RBM47: variants seen among roughly 807,000 people sequenced by gnomAD.
RBM47 encodes RNA-binding protein 47.
Under a neutral mutation model 47.1 loss-of-function variants are expected in RBM47, and 21 were observed. The ratio of observed to expected loss-of-function variants is 0.45; its 90% CI spans 0.32 to 0.64. The LOEUF (loss-of-function observed/expected upper bound fraction) is 0.64. RBM47 is among the 30% of genes least tolerant of loss of function. The probability of loss-of-function intolerance (pLI) is 0.05; values close to 1 mark genes in which losing one functional copy is unlikely to be tolerated. For synonymous variants in RBM47, 375 were observed against 361.7 expected (o/e 1.04, Z -0.42); for missense variants, 708 against 870.9 (o/e 0.81, Z 2.35).
At chr4:40,552,882 C>T (rs764652411) in intron 1 of RBM47, among the ~76,000 whole-genome samples, 1 of 152,242 alleles carries the variant, frequency 6.6e-6, no homozygotes, top group Admixed American at 6.5e-5. Flanking sequence ...ACACCACCCC[C>T]CATCCTAGCT....
chr4:40,437,090 A>AAAAAAAAAAAAAAAAAATATAT (rs1256296949), intron 4 of RBM47, among the ~76,000 whole-genome samples: 14 of 49,772 alleles, frequency 2.8e-4, no homozygotes, highest in South Asian at 5.3e-4. Flanking sequence ...AAAAAAAAAA[A>AAAAAAAAAAAAAAAAAATATAT]ATATATATAT....
chr4:40,589,529 T>C (rs1344568297), intron 1 of RBM47, among the ~76,000 whole-genome samples: 4 of 151,732 alleles, frequency 2.6e-5, no homozygotes, highest in African/African-American at 9.7e-5. Context: ...CTCCACCTCC[T>C]GGGTTCAAGC....
chr4:40,481,146 T>C (rs1385382735), intron 2 of RBM47, among the ~76,000 whole-genome samples: 2 of 152,174 alleles, frequency 1.3e-5, no homozygotes, highest in African/African-American at 4.8e-5. Context: ...TCCCCTAACA[T>C]TCTGGATTTA....
intron 1 of RBM47, among the ~76,000 whole-genome samples, chr4:40,592,748 A>T (rs1213130979): frequency 6.7e-6 from 1 of 150,004 alleles, no homozygotes; most frequent in African/African-American, 2.5e-5. Flanking sequence ...TTGTAGAGAC[A>T]GGGCCTCGCT....
At chr4:40,535,367 A>ATTTTT (rs1727836142) in intron 2 of RBM47, among the ~76,000 whole-genome samples, 1 of 86,250 alleles carries the variant, frequency 1.2e-5, no homozygotes, top group Non-Finnish European at 2.2e-5. Context: ...CTGGTATGGT[A>ATTTTT]TTTCTTTTTT....
chr4:40,614,722 T>A (rs1404140319), intron 1 of RBM47, among the ~76,000 whole-genome samples: 1 of 151,076 alleles, frequency 6.6e-6, no homozygotes, highest in East Asian at 1.9e-4. Flanking sequence ...TCCCAGCTAC[T>A]GAGGAGGCTA....
intron 2 of RBM47, among the ~76,000 whole-genome samples, chr4:40,505,616 G>A (rs953154769): frequency 1.4e-3 from 216 of 150,642 alleles, no homozygotes; most frequent in Middle Eastern, 0.011. Flanking sequence ...GGCTGGACGC[G>A]GTGGCTCACA....
intron 2 of RBM47, among the ~76,000 whole-genome samples, chr4:40,528,210 G>A (rs1206380145): frequency 6.6e-6 from 1 of 152,046 alleles, no homozygotes; most frequent in South Asian, 2.1e-4. Flanking sequence ...CAAGAGATCA[G>A]GACCATCCTG....
At position 40,426,033 on chromosome 4, in the gene RBM47, C is replaced by T; in HGVS notation, c.1653G>A (p.Thr551=). Reference sequence around the variant, plus strand: ...CCGCGTTCTTCTGTAGTGTGGCGATCGTGGCTGTAGCTGGAGCAGCAAATG... The same window carrying T: ...CCGCGTTCTTCTGTAGTGTGGCGATTGTGGCTGTAGCTGGAGCAGCAAATG... The part of the protein sequence containing the change: ...YVPFAAPATA[T]IATLQKNAAA... The change falls in exon 7 of 7, where the codon ACG becomes ACA. Residue 551 remains threonine (T), a synonymous_variant. Transcript: ENST00000295971. 4.3e-6 allele frequency: 7 copies of T among 1,614,144 alleles called. No homozygotes were observed. The highest frequency in any genetic ancestry group is 5.9e-6 in the Non-Finnish European group (7 of 1,180,030).
chr4:40,462,182 T>C (rs890225730), intron 3 of RBM47, among the ~76,000 whole-genome samples: 2 of 152,160 alleles, frequency 1.3e-5, no homozygotes, highest in Non-Finnish European at 2.9e-5. Context: ...GTCTTTGTAC[T>C]TTTCAATATT....
chr4:40,452,564 A>G (rs16852219), intron 3 of RBM47, among the ~76,000 whole-genome samples: 4,999 of 152,322 alleles, frequency 0.033, 104 homozygotes, highest in Middle Eastern at 0.051. Context: ...CCGAAAACTC[A>G]GGAATTAAAA....
At chr4:40,495,992 C>G (rs1722516744) in intron 2 of RBM47, among the ~76,000 whole-genome samples, 1 of 152,218 alleles carries the variant, frequency 6.6e-6, no homozygotes, top group African/African-American at 2.4e-5. Flanking sequence ...AATGTCCTGA[C>G]AGTGTTAACT....
intron 1 of RBM47, among the ~76,000 whole-genome samples, chr4:40,561,311 G>A (rs1256879649): frequency 7.0e-6 from 1 of 143,544 alleles, no homozygotes; most frequent in Non-Finnish European, 1.5e-5. Flanking sequence ...GGCTCACTGC[G>A]ACCACCGCTT....
intron 1 of RBM47, among the ~76,000 whole-genome samples, chr4:40,573,018 T>C (rs1323985733): frequency 6.6e-6 from 1 of 151,226 alleles, no homozygotes; most frequent in Non-Finnish European, 1.5e-5. Context: ...CTGGGTGTGG[T>C]GGTAGGTGCC....
chr4:40,539,035 A>C (rs978706856), intron 2 of RBM47, among the ~76,000 whole-genome samples: 1 of 152,178 alleles, frequency 6.6e-6, no homozygotes, highest in African/African-American at 2.4e-5. Context: ...CACTTGTTCC[A>C]GTATCTTTTA....
chr4:40,595,872 T>C (rs1253836092), intron 1 of RBM47, among the ~76,000 whole-genome samples: 3 of 150,604 alleles, frequency 2.0e-5, no homozygotes, highest in Non-Finnish European at 4.4e-5. Context: ...ATCACTGTTC[T>C]CCAGGCTGGG....
Position 40,488,751 on chromosome 4 carries a change from C to T in RBM47, c.-154-22052G>A, listed in dbSNP as rs1237184534. Among the ~76,000 whole-genome samples the T allele has an allele frequency of 2.0e-5, 3 of 152,170 alleles. 1 individual carries two copies. Among genetic ancestry groups the T allele is most frequent in the Non-Finnish European group, 4.4e-5 (3 of 68,030 alleles). On this transcript the variant is annotated intron_variant, in intron 2 of 6. Transcript: ENST00000295971. ...CTGTAGCTACTTTACATGGAGTTGA[C>T]TCAGCAAAGGCCCATCTGACCTAAC...
intron 1 of RBM47, among the ~76,000 whole-genome samples, chr4:40,611,444 T>C (rs1736250282): frequency 6.6e-6 from 1 of 151,860 alleles, no homozygotes; most frequent in African/African-American, 2.4e-5. Flanking sequence ...AAAACCCACA[T>C]AGGCCGGGCA....
At chr4:40,463,720 A>G (rs1426501858) in intron 3 of RBM47, among the ~76,000 whole-genome samples, 1 of 150,926 alleles carries the variant, frequency 6.6e-6, no homozygotes, top group Non-Finnish European at 1.5e-5. Context: ...GGCTTTTATT[A>G]GGTTGGTGCA....
Sources: allele counts gnomAD v4.1 joint callset (sites outside exome capture counted in the v4.1 genomes callset), GRCh38; gene constraint gnomAD v4.1.1; transcripts MANE v1.5; gene names NCBI Gene and HGNC (gene_info 2026-07-23, HGNC 2026-07-21).